Variants in UVRAG observed in about 807,000 individuals in gnomAD.
UVRAG encodes the protein UV radiation resistance-associated gene protein.
In UVRAG, 19 loss-of-function variants were observed where a neutral mutation model predicts 78.0. That is an observed-to-expected ratio of 0.24 (90% CI 0.17 to 0.36). The LOEUF is 0.36. Among genes scored for constraint, UVRAG ranks in the 10% least tolerant of loss-of-function variants. The pLI is 1.00. For missense variants in UVRAG, 740 were observed against 853.8 expected (o/e 0.87, Z 1.66); for synonymous variants, 323 against 324.6 (o/e 1.00, Z 0.05).
chr11:76,003,081 A>AT (rs367719979), intron 8 of UVRAG, among the ~76,000 whole-genome samples: 2 of 151,946 alleles, frequency 1.3e-5, no homozygotes, highest in Non-Finnish European at 2.9e-5. Context: ...CTAAAAAAAA[A>AT]GAAAAAAAGA....
At position 76,142,130 on chromosome 11, in the gene UVRAG, A is replaced by G. The variant is rs1952734192; in HGVS notation, c.*717A>G. 1 of 152,044 alleles carries G rather than the reference A, an allele frequency of 6.6e-6. No individual in the cohort carries two copies. Among genetic ancestry groups the G allele is most frequent in the Non-Finnish European group, 1.5e-5 (1 of 68,044 alleles). The allele number at this position is 152,044 out of a possible 1,614,324, so 9.4% of individuals were successfully genotyped here. A position where few individuals can be genotyped will look rare whatever the true frequency, so the allele number is the denominator to read the frequency against. ...GCCATACCCTTAATGCGGCCCTCAG[A>G]TTAGATGAAAAACTTGCTCCTGGTG... On this transcript the variant is annotated 3_prime_UTR_variant, in exon 15 of 15. Coordinates refer to ENST00000356136, the MANE Select transcript of UVRAG (RefSeq NM_003369.4).
chr11:75,910,757 G>A (rs1206022614), intron 5 of UVRAG, among the ~76,000 whole-genome samples: 4 of 152,000 alleles, frequency 2.6e-5, no homozygotes, highest in Non-Finnish European at 5.9e-5. Context: ...TTTCTTAAAT[G>A]ACAGAGATAC....
chr11:75,898,123 C>T (rs1357744464), intron 5 of UVRAG, among the ~76,000 whole-genome samples: 1 of 152,156 alleles, frequency 6.6e-6, no homozygotes, highest in Non-Finnish European at 1.5e-5. Flanking sequence ...CCCGCCTCGG[C>T]CTCCCAAAGT....
intron 2 of UVRAG, among the ~76,000 whole-genome samples, chr11:75,856,503 T>C (rs1293224636): frequency 6.6e-6 from 1 of 151,882 alleles, no homozygotes; most frequent in East Asian, 1.9e-4. Flanking sequence ...CAGGCTGGAG[T>C]GCAGAATCAC....
intron 5 of UVRAG, among the ~76,000 whole-genome samples, chr11:75,908,270 G>T (rs569068867): frequency 9.2e-5 from 14 of 152,232 alleles, no homozygotes; most frequent in African/African-American, 1.2e-4. Flanking sequence ...TTTTAATGGT[G>T]AATAATATTT....
intron 8 of UVRAG, among the ~76,000 whole-genome samples, chr11:76,002,429 T>C (rs74512842): frequency 6.6e-6 from 1 of 152,296 alleles, no homozygotes; most frequent in East Asian, 1.9e-4. Flanking sequence ...TTCTAGAGTC[T>C]TCTGAACTGA....
chr11:75,889,008 C>A, intron 5 of UVRAG, 105 bp downstream of exon 5: 1 of 949,698 alleles, frequency 1.1e-6, no homozygotes, highest in Non-Finnish European at 1.5e-6. Flanking sequence ...TAGAATCATG[C>A]TTTAAATTTG....
intron 12 of UVRAG, among the ~76,000 whole-genome samples, chr11:76,027,725 T>C (rs938016326): frequency 2.6e-5 from 4 of 152,180 alleles, no homozygotes; most frequent in Admixed American, 6.6e-5. Context: ...ATCCTAGGCA[T>C]GTAAGTTTTT....
At chr11:75,833,523 T>TATA (rs1043433959) in intron 1 of UVRAG, among the ~76,000 whole-genome samples, 1 of 152,190 alleles carries the variant, frequency 6.6e-6, no homozygotes, top group Non-Finnish European at 1.5e-5. Flanking sequence ...CATAGTTATC[T>TATA]GCCGAGACCA....
intron 13 of UVRAG, among the ~76,000 whole-genome samples, chr11:76,095,870 CAAA>C (rs747792893): frequency 4.4e-5 from 2 of 45,946 alleles, no homozygotes; most frequent in East Asian, 6.4e-4. Flanking sequence ...GACTCTGTCT[CAAA>C]AAAAAAAAAA....
chr11:76,136,168 A>G (rs1275655080), intron 14 of UVRAG, among the ~76,000 whole-genome samples: 3 of 152,196 alleles, frequency 2.0e-5, no homozygotes, highest in African/African-American at 7.2e-5. Context: ...GCAAGAGTAG[A>G]GATAAAAATA....
intron 5 of UVRAG, among the ~76,000 whole-genome samples, chr11:75,897,871 ATTTT>A (rs146122619): frequency 4.6e-5 from 5 of 108,898 alleles, no homozygotes; most frequent in African/African-American, 8.1e-5. Flanking sequence ...TAGCTCTTTA[ATTTT>A]TTTTTTTTTT....
chr11:76,030,450 C>T (rs1004543733), intron 12 of UVRAG, among the ~76,000 whole-genome samples: 7 of 152,150 alleles, frequency 4.6e-5, no homozygotes, highest in African/African-American at 1.7e-4. Flanking sequence ...GTCACGTAAG[C>T]ATGTGTGCCT....
At chr11:76,008,544 A>G (rs1266847042) in intron 10 of UVRAG, among the ~76,000 whole-genome samples, 1 of 152,208 alleles carries the variant, frequency 6.6e-6, no homozygotes, top group African/African-American at 2.4e-5. Context: ...GAATGAAATA[A>G]GGATATTTTT....
intron 13 of UVRAG, among the ~76,000 whole-genome samples, chr11:76,068,715 A>G (rs1951244549): frequency 6.6e-6 from 1 of 152,236 alleles, no homozygotes; most frequent in South Asian, 2.1e-4. Flanking sequence ...CCTTACTGCC[A>G]TCACTTTTTC....
intron 6 of UVRAG, among the ~76,000 whole-genome samples, chr11:75,917,916 T>A (rs1947893193): frequency 6.6e-6 from 1 of 152,166 alleles, no homozygotes; most frequent in Non-Finnish European, 1.5e-5. Context: ...GATGAAGAAA[T>A]TAAGGCACAA....
intron 9 of UVRAG, among the ~76,000 whole-genome samples, chr11:76,005,622 A>C (rs1323807948): frequency 1.3e-5 from 2 of 152,210 alleles, no homozygotes; most frequent in Admixed American, 6.5e-5. Context: ...TCTTCCTGCA[A>C]ATAGTATCAG....
At chr11:75,969,294 T>C (rs1949082857) in intron 7 of UVRAG, among the ~76,000 whole-genome samples, 2 of 152,234 alleles carry the variant, frequency 1.3e-5, no homozygotes, top group Admixed American at 1.3e-4. Flanking sequence ...TCAAGCTTCA[T>C]CCATGGTGTA....
intron 5 of UVRAG, among the ~76,000 whole-genome samples, chr11:75,899,807 G>T (rs900616114): frequency 4.6e-5 from 7 of 152,196 alleles, no homozygotes; most frequent in African/African-American, 1.4e-4. Context: ...TTATTGTAGA[G>T]TGGGCATGCA....
Sources: allele counts gnomAD v4.1 joint callset (sites outside exome capture counted in the v4.1 genomes callset), GRCh38; gene constraint gnomAD v4.1.1; transcripts MANE v1.5; gene names NCBI Gene and HGNC (gene_info 2026-07-23, HGNC 2026-07-21).